WDPCP: variants seen among roughly 807,000 people sequenced by gnomAD.
The protein encoded by WDPCP is WD repeat-containing and planar cell polarity effector protein fritz homolog.
WDPCP carries 71 observed loss-of-function variants against 93.1 expected under a neutral mutation model. That is an observed-to-expected ratio of 0.76 (90% CI 0.63 to 0.93). The LOEUF (loss-of-function observed/expected upper bound fraction) is 0.93, where lower values mean the gene tolerates loss of function less well. WDPCP is among the 40% of genes least tolerant of loss of function. The pLI, the probability that WDPCP is intolerant of heterozygous loss-of-function variation, is 0.00. For synonymous variants in WDPCP, 315 were observed against 315.0 expected, an observed-to-expected ratio of 1.00 and a Z score of 0.00; for missense variants, 844 against 887.4, an observed-to-expected ratio of 0.95 and a Z score of 0.62.
chr2:63,716,217 C>A (rs1575755995), intron 2 of WDPCP, among the ~76,000 whole-genome samples: 1 of 152,168 alleles, frequency 6.6e-6, no homozygotes, highest in African/African-American at 2.4e-5. Flanking sequence ...ACAGAAAGGA[C>A]AACTTTCTTT....
chr2:63,455,431 T>TAC (rs1321107863), intron 6 of WDPCP, among the ~76,000 whole-genome samples: 9 of 149,248 alleles, frequency 6.0e-5, no homozygotes, highest in African/African-American at 2.0e-4. Flanking sequence ...TATATATATA[T>TAC]ATATATATAC....
At chr2:63,492,985 T>C (rs778289277) in intron 1 of WDPCP, 45 bp from the exon 2 acceptor site, 74 of 1,532,852 alleles carry the variant, frequency 4.8e-5, no homozygotes, top group Non-Finnish European at 6.0e-5. Flanking sequence ...AATTATCTTC[T>C]ATTGCCAATA....
chr2:63,521,223 G>A (rs948579528), intron 1 of WDPCP, among the ~76,000 whole-genome samples: 1 of 152,172 alleles, frequency 6.6e-6, no homozygotes, highest in Admixed American at 6.5e-5. Context: ...AACCTTGAAT[G>A]TAAACATGCT....
At chr2:63,311,176 T>A (rs79552764) in intron 13 of WDPCP, among the ~76,000 whole-genome samples, 34 of 152,292 alleles carry the variant, frequency 2.2e-4, no homozygotes, top group African/African-American at 8.2e-4. Context: ...TGTGATCCCA[T>A]TGTGATTCAT....
At chr2:63,799,825 G>T (rs1398598438) in intron 2 of WDPCP, among the ~76,000 whole-genome samples, 3 of 151,992 alleles carry the variant, frequency 2.0e-5, no homozygotes, top group Non-Finnish European at 4.4e-5. Flanking sequence ...GTTTTCATTA[G>T]CCCAGCAAAA....
chr2:63,445,607 G>A (rs1201707939), intron 6 of WDPCP, among the ~76,000 whole-genome samples: 1 of 152,144 alleles, frequency 6.6e-6, no homozygotes, highest in East Asian at 1.9e-4. Context: ...CACCAAGACA[G>A]TGTTCTATTC....
chr2:63,396,333 T>G (rs1361237497), intron 10 of WDPCP, among the ~76,000 whole-genome samples: 1 of 152,204 alleles, frequency 6.6e-6, no homozygotes, highest in Non-Finnish European at 1.5e-5. Context: ...TCATACTGTT[T>G]GTTTTTTAGA....
chr2:63,594,797 T>A, intron 3 of WDPCP: 1 of 453,334 alleles, frequency 2.2e-6, no homozygotes, highest in East Asian at 4.1e-5. Context: ...AACTCTTCCA[T>A]ATATTGTACT....
intron 14 of WDPCP, among the ~76,000 whole-genome samples, chr2:63,238,059 T>C (rs1679556138): frequency 6.6e-6 from 1 of 151,530 alleles, no homozygotes; most frequent in Non-Finnish European, 1.5e-5. Context: ...TTAAATAAGA[T>C]GACATGCCCA....
rs77050362 is a variant in WDPCP, at chr2:63,785,169, T to C, written n.308+28453A>G. ...ACCACAAGAAGAATATTTAAACATA[T>C]TCTTCCTAGTCAAAGCTAGTGAAAA... On this transcript the variant is annotated intron_variant and non_coding_transcript_variant, in intron 2 of 4. Coordinates refer to the WDPCP transcript ENST00000467687. Among the ~76,000 whole-genome samples, 19 of 152,342 alleles carry C rather than the reference T, an allele frequency of 1.2e-4. No homozygotes were observed. In the East Asian group the frequency reaches 3.7e-3, roughly 29 times the overall value.
At chr2:63,435,058 T>G (rs1286607665) in intron 8 of WDPCP, among the ~76,000 whole-genome samples, 1 of 152,168 alleles carries the variant, frequency 6.6e-6, no homozygotes, top group Non-Finnish European at 1.5e-5. Context: ...GGCCATAATA[T>G]TATTGACCTC....
chr2:63,835,688 A>G, the WDPCP span, among the ~76,000 whole-genome samples: 40 of 152,030 alleles, frequency 2.6e-4, no homozygotes, highest in Non-Finnish European at 5.3e-4. Flanking sequence ...TTAGTATTTC[A>G]TATTTTTTCC....
intron 3 of WDPCP, among the ~76,000 whole-genome samples, chr2:63,639,744 C>T (rs1206419895): frequency 1.3e-5 from 2 of 152,008 alleles, no homozygotes; most frequent in African/African-American, 2.4e-5. Flanking sequence ...AAATTAAAAC[C>T]ATGATGAGTT....
At chr2:63,335,844 C>T (rs1477976737) in intron 12 of WDPCP, among the ~76,000 whole-genome samples, 1 of 152,164 alleles carries the variant, frequency 6.6e-6, no homozygotes, top group East Asian at 1.9e-4. Flanking sequence ...AAATACAGGT[C>T]ATAAAGACCT....
At chr2:63,563,050 T>TAC (rs1706752045) in intron 1 of WDPCP, among the ~76,000 whole-genome samples, 1 of 151,980 alleles carries the variant, frequency 6.6e-6, no homozygotes, top group Non-Finnish European at 1.5e-5. Flanking sequence ...TACACACAAA[T>TAC]ACACACACAC....
At chr2:63,726,178 T>C (rs1410715776) in intron 2 of WDPCP, among the ~76,000 whole-genome samples, 4 of 152,246 alleles carry the variant, frequency 2.6e-5, no homozygotes, top group Non-Finnish European at 5.9e-5. Flanking sequence ...TTTATACTTT[T>C]ATGTTTTACA....
At chr2:63,153,988 AC>A (rs1166993230) in intron 15 of WDPCP, among the ~76,000 whole-genome samples, 4 of 151,652 alleles carry the variant, frequency 2.6e-5, no homozygotes, top group African/African-American at 9.7e-5. Flanking sequence ...GATGTAGAAA[AC>A]CCCCCACCAA....
intron 2 of WDPCP, among the ~76,000 whole-genome samples, chr2:63,687,214 A>G (rs2103654719): frequency 6.6e-6 from 1 of 152,342 alleles, no homozygotes; most frequent in African/African-American, 2.4e-5. Flanking sequence ...TAAGACCTCA[A>G]ATTACAAAAC....
At chr2:63,381,802 T>C in intron 11 of WDPCP, 104 bp downstream of exon 11, 1 of 1,193,302 alleles carries the variant, frequency 8.4e-7, no homozygotes, top group Non-Finnish European at 1.2e-6. Flanking sequence ...TTTTATCATT[T>C]AATCTCCAAT....
Sources: allele counts gnomAD v4.1 joint callset (sites outside exome capture counted in the v4.1 genomes callset), GRCh38; gene constraint gnomAD v4.1.1; transcripts MANE v1.5; gene names NCBI Gene and HGNC (gene_info 2026-07-23, HGNC 2026-07-21).